MALRD1: variants seen among roughly 807,000 people sequenced by gnomAD.
MALRD1 encodes the protein MAM and LDL-receptor class A domain-containing protein 1.
MALRD1 carries 247 observed loss-of-function variants against 242.1 expected under a neutral mutation model. That is an observed-to-expected ratio of 1.02 (90% CI 0.92 to 1.13). MALRD1 has a LOEUF of 1.13. MALRD1 is among the 50% of genes most tolerant of loss of function. The probability of loss-of-function intolerance (pLI) is 0.00; values close to 1 mark genes in which losing one functional copy is unlikely to be tolerated. For missense variants in MALRD1, 2,989 were observed against 2,533.1 expected, an observed-to-expected ratio of 1.18 and a Z score of -3.86; for synonymous variants, 995 against 866.6, an observed-to-expected ratio of 1.15 and a Z score of -2.60.
chr10:19,395,348 C>G (rs1444163854), intron 28 of MALRD1, among the ~76,000 whole-genome samples: 1 of 152,092 alleles, frequency 6.6e-6, no homozygotes, highest in African/African-American at 2.4e-5. Context: ...AGACATCAAT[C>G]AACATATGTA....
intron 28 of MALRD1, among the ~76,000 whole-genome samples, chr10:19,397,072 C>T (rs1342884908): frequency 2.6e-5 from 4 of 152,040 alleles, no homozygotes; most frequent in African/African-American, 9.7e-5. Flanking sequence ...TCATCTATAA[C>T]CTCAAATATC....
chr10:19,391,311 T>C (rs936692960), intron 28 of MALRD1, among the ~76,000 whole-genome samples: 4 of 152,162 alleles, frequency 2.6e-5, no homozygotes, highest in Non-Finnish European at 5.9e-5. Flanking sequence ...TCTCATAATA[T>C]ATTTGGATTC....
chr10:19,176,579 T>G (rs866865060), intron 14 of MALRD1, among the ~76,000 whole-genome samples: 6 of 150,728 alleles, frequency 4.0e-5, no homozygotes, highest in Middle Eastern at 6.8e-3. Flanking sequence ...TTTCACCTTG[T>G]TAGCCAGGAT....
intron 36 of MALRD1, among the ~76,000 whole-genome samples, chr10:19,649,883 A>G (rs1237921548): frequency 6.6e-6 from 1 of 152,124 alleles, no homozygotes; most frequent in Non-Finnish European, 1.5e-5. Flanking sequence ...CCTTTAATCC[A>G]TCTTGAGTTG....
chr10:19,341,524 G>A (rs10160196), intron 24 of MALRD1, among the ~76,000 whole-genome samples: 12 of 138,850 alleles, frequency 8.6e-5, no homozygotes, highest in African/African-American at 1.9e-4. Flanking sequence ...GTGTATATAT[G>A]TATATATATA....
chr10:19,255,439 G>A (rs1839465447), intron 18 of MALRD1, among the ~76,000 whole-genome samples: 1 of 151,792 alleles, frequency 6.6e-6, no homozygotes, highest in African/African-American at 2.4e-5. Context: ...ATTTTCTCAG[G>A]ACTACTATTT....
chr10:19,468,895 C>T (rs1428117675), intron 29 of MALRD1, among the ~76,000 whole-genome samples: 1 of 151,930 alleles, frequency 6.6e-6, no homozygotes, highest in African/African-American at 2.4e-5. Flanking sequence ...CTTTGTTTTC[C>T]TTTCAGTTTT....
chr10:19,241,055 A>T (rs1251205444), intron 18 of MALRD1, among the ~76,000 whole-genome samples: 1 of 152,072 alleles, frequency 6.6e-6, no homozygotes, highest in Admixed American at 6.6e-5. Flanking sequence ...TGGTTTTAGA[A>T]TCAAGATATT....
At chr10:19,367,267 C>T (rs1398102563) in intron 26 of MALRD1, among the ~76,000 whole-genome samples, 1 of 152,024 alleles carries the variant, frequency 6.6e-6, no homozygotes, top group African/African-American at 2.4e-5. Flanking sequence ...TCCTCCTCTT[C>T]CTTCTACCCT....
chr10:19,542,826 A>T (rs1471648983), intron 32 of MALRD1, among the ~76,000 whole-genome samples: 1 of 152,164 alleles, frequency 6.6e-6, no homozygotes, highest in African/African-American at 2.4e-5. Context: ...ACAATTATAA[A>T]AGTGTCTATT....
chr10:19,128,161 A>C, intron 7 of MALRD1, 60 bp from the exon 8 acceptor site: 1 of 1,139,546 alleles, frequency 8.8e-7, no homozygotes. Context: ...TAATAGTTTT[A>C]GTCAGACAGA....
In MALRD1 at chr10:19,256,507, A is replaced by G. The variant is rs150476291; in HGVS notation, c.2992-1177A>G. Among the ~76,000 whole-genome samples, 356 of 152,212 alleles carry G rather than the reference A, an allele frequency of 2.3e-3. 2 individuals are homozygous for G. The highest frequency in any genetic ancestry group is 8.2e-3 in the African/African-American group (341 of 41,558). On this transcript the variant is annotated intron_variant, in intron 18 of 39. Coordinates refer to ENST00000454679, the MANE Select transcript of MALRD1 (RefSeq NM_001142308.3). ...TTTTATGTTTGGAGAGACTCATTGT[A>G]AAACAGCGGGACACTTCCTGTATAA...
intron 10 of MALRD1, among the ~76,000 whole-genome samples, chr10:19,139,957 A>G (rs926894233): frequency 1.3e-5 from 2 of 152,198 alleles, no homozygotes; most frequent in Non-Finnish European, 2.9e-5. Context: ...ATTGATAAAA[A>G]CTAAAGGCAA....
At chr10:19,109,398 A>G (rs1229607744) in intron 5 of MALRD1, among the ~76,000 whole-genome samples, 3 of 152,166 alleles carry the variant, frequency 2.0e-5, no homozygotes, top group Non-Finnish European at 4.4e-5. Context: ...TGTTTCACAC[A>G]CAAGGATGCA....
At chr10:19,515,289 C>T (rs1047600522) in intron 31 of MALRD1, among the ~76,000 whole-genome samples, 10 of 152,102 alleles carry the variant, frequency 6.6e-5, no homozygotes, top group Admixed American at 1.3e-4. Flanking sequence ...AGGAAGCAAA[C>T]AACTGAGCTA....
chr10:19,394,956 G>T (rs774812810), intron 28 of MALRD1, among the ~76,000 whole-genome samples: 1 of 152,178 alleles, frequency 6.6e-6, no homozygotes, highest in Non-Finnish European at 1.5e-5. Context: ...TTCAGAAAAA[G>T]AGTATAGATA....
chr10:19,731,739 C>G (rs1275819771), intron 39 of MALRD1, among the ~76,000 whole-genome samples: 1 of 152,148 alleles, frequency 6.6e-6, no homozygotes, highest in East Asian at 1.9e-4. Context: ...TTATGACACA[C>G]CACTTCCGAA....
intron 4 of MALRD1, among the ~76,000 whole-genome samples, chr10:19,097,782 A>G (rs2131319791): frequency 6.6e-6 from 1 of 152,320 alleles, no homozygotes; most frequent in Admixed American, 6.5e-5. Context: ...CGATACATTG[A>G]GAACAAAATC....
At chr10:19,415,909 C>T (rs1251438987) in intron 28 of MALRD1, among the ~76,000 whole-genome samples, 1 of 152,122 alleles carries the variant, frequency 6.6e-6, no homozygotes, top group Admixed American at 6.5e-5. Context: ...ATTAAGAATA[C>T]GGCTTGATAA....
Sources: gnomAD v4.1 joint callset for allele counts (sites outside exome capture counted in the v4.1 genomes callset) on GRCh38, gnomAD v4.1.1 for gene constraint, MANE v1.5 for transcripts, NCBI Gene and HGNC (gene_info 2026-07-23, HGNC 2026-07-21) for gene names.